GRIK1: variants seen among roughly 807,000 people sequenced by gnomAD.
The protein encoded by GRIK1 is glutamate receptor ionotropic, kainate 1.
Under a neutral mutation model 105.7 loss-of-function variants are expected in GRIK1, and 69 were observed. The ratio of observed to expected loss-of-function variants is 0.65; its 90% CI spans 0.54 to 0.80. The LOEUF (loss-of-function observed/expected upper bound fraction) is 0.80. Ranked by LOEUF, GRIK1 falls within the 30% of genes least tolerant of loss-of-function variation. The pLI, the probability that GRIK1 is intolerant of heterozygous loss-of-function variation, is 0.00. For missense variants in GRIK1, 1,109 were observed against 1,167.3 expected, an observed-to-expected ratio of 0.95 and a Z score of 0.73; for synonymous variants, 438 against 431.3, an observed-to-expected ratio of 1.02 and a Z score of -0.19.
chr21:29,643,518 T>A (rs1367016662), intron 6 of GRIK1, among the ~76,000 whole-genome samples: 1 of 152,164 alleles, frequency 6.6e-6, no homozygotes, highest in Non-Finnish European at 1.5e-5. Flanking sequence ...CAACGGCAAG[T>A]TTTGGGAGAC....
At chr21:29,740,097 T>C (rs577612556) in intron 1 of GRIK1, among the ~76,000 whole-genome samples, 30 of 152,344 alleles carry the variant, frequency 2.0e-4, no homozygotes, top group Non-Finnish European at 4.0e-4. Context: ...TTACATTGTT[T>C]ATTAGTACAC....
intron 9 of GRIK1, among the ~76,000 whole-genome samples, chr21:29,592,271 C>T (rs1048119159): frequency 2.6e-5 from 4 of 152,146 alleles, no homozygotes; most frequent in African/African-American, 4.8e-5. Flanking sequence ...TCCACTTGAT[C>T]GTGAACTCCT....
At chr21:29,824,233 A>G (rs2067383885) in intron 1 of GRIK1, among the ~76,000 whole-genome samples, 1 of 152,006 alleles carries the variant, frequency 6.6e-6, no homozygotes, top group Non-Finnish European at 1.5e-5. Flanking sequence ...ATCATTATTT[A>G]TTTATATACT....
intron 1 of GRIK1, among the ~76,000 whole-genome samples, chr21:29,789,547 T>C (rs2066354654): frequency 6.6e-6 from 1 of 152,212 alleles, no homozygotes; most frequent in South Asian, 2.1e-4. Flanking sequence ...TACTCCTTTC[T>C]GTAAAAGAAA....
intron 1 of GRIK1, among the ~76,000 whole-genome samples, chr21:29,814,277 T>G (rs1235912491): frequency 6.6e-6 from 1 of 151,934 alleles, no homozygotes; most frequent in Non-Finnish European, 1.5e-5. Flanking sequence ...TTTCCCCTTT[T>G]GCTTGCAGCA....
chr21:29,889,700 A>G (rs1012933063), intron 1 of GRIK1, among the ~76,000 whole-genome samples: 7 of 151,952 alleles, frequency 4.6e-5, no homozygotes, highest in Non-Finnish European at 8.8e-5. Flanking sequence ...ACCATCTCTA[A>G]TTTTCTGTGG....
At chr21:29,577,657 T>C (rs1038207596) in intron 13 of GRIK1, among the ~76,000 whole-genome samples, 13 of 152,250 alleles carry the variant, frequency 8.5e-5, no homozygotes, top group Non-Finnish European at 4.4e-5. Flanking sequence ...TATACTTTAA[T>C]AAAACATTGG....
intron 1 of GRIK1, among the ~76,000 whole-genome samples, chr21:29,768,226 C>A (rs1213849362): frequency 1.3e-5 from 2 of 152,088 alleles, no homozygotes; most frequent in African/African-American, 4.8e-5. Context: ...TCTGGGTATG[C>A]CTACAGCTTC....
chr21:29,686,546 A>T (rs1382959228), intron 3 of GRIK1, among the ~76,000 whole-genome samples: 1 of 152,262 alleles, frequency 6.6e-6, no homozygotes, highest in African/African-American at 2.4e-5. Flanking sequence ...AGGCTATAGC[A>T]GAGGTGAAAT....
chr21:29,927,137 C>T (rs1295723082), intron 1 of GRIK1, among the ~76,000 whole-genome samples: 1 of 152,100 alleles, frequency 6.6e-6, no homozygotes, highest in Non-Finnish European at 1.5e-5. Flanking sequence ...CAGACATTGC[C>T]TTGCCCAGTT....
chr21:29,688,601 A>G (rs1332235383), intron 3 of GRIK1, among the ~76,000 whole-genome samples: 1 of 152,218 alleles, frequency 6.6e-6, no homozygotes, highest in East Asian at 1.9e-4. Flanking sequence ...CAGGTTTACG[A>G]CAGGTAGCAG....
At chr21:29,547,666 C>T (rs78811614) in intron 16 of GRIK1, among the ~76,000 whole-genome samples, 3,682 of 152,340 alleles carry the variant, frequency 0.024, 136 homozygotes, top group African/African-American at 0.083. Flanking sequence ...ACAACATCAA[C>T]TTGTATATTA....
intron 1 of GRIK1, among the ~76,000 whole-genome samples, chr21:29,718,925 C>G (rs956931526): frequency 1.2e-4 from 18 of 152,064 alleles, no homozygotes; most frequent in Non-Finnish European, 2.4e-4. Flanking sequence ...TTAAAAGTTA[C>G]AATGTGCAAA....
chr21:29,667,661 G>A (rs2063086867), intron 4 of GRIK1, among the ~76,000 whole-genome samples: 1 of 152,114 alleles, frequency 6.6e-6, no homozygotes, highest in Admixed American at 6.6e-5. Flanking sequence ...TTTCTGAGTG[G>A]GAAACAGCAT....
In GRIK1 at chr21:29,883,380, G is replaced by A. The variant is rs138131885; in HGVS notation, c.118+56003C>T. 1.6e-3 allele frequency among the ~76,000 whole-genome samples: 240 copies of A among 152,098 alleles called. 1 individual carries two copies. The highest frequency in any genetic ancestry group is 5.6e-3 in the African/African-American group (233 of 41,502). ...CCTTTAGCAAGTAAAGAATTCTCAA[G>A]TATATAGATTTGCAATGGTTTTACT... On this transcript the variant is annotated intron_variant, in intron 1 of 17. Coordinates refer to ENST00000327783, the MANE Select transcript of GRIK1 (RefSeq NM_001330994.2).
At chr21:29,631,341 A>G (rs1023828363) in intron 7 of GRIK1, among the ~76,000 whole-genome samples, 11 of 152,322 alleles carry the variant, frequency 7.2e-5, no homozygotes, top group African/African-American at 2.2e-4. Flanking sequence ...CATGAGGTAG[A>G]GTCCCCATGG....
intron 1 of GRIK1, among the ~76,000 whole-genome samples, chr21:29,776,238 G>C (rs567811497): frequency 1.3e-5 from 2 of 152,202 alleles, no homozygotes; most frequent in East Asian, 1.9e-4. Context: ...ATTTTGAGTG[G>C]GGACACTGCC....
chr21:29,774,466 T>C lies in GRIK1; in HGVS notation c.119-80403A>G, dbSNP rs993945276. Among the ~76,000 whole-genome samples, 818 of 135,530 alleles carry C rather than the reference T, an allele frequency of 6.0e-3. 7 individuals carry two copies. Among genetic ancestry groups the C allele is most frequent in the African/African-American group, 0.021 (793 of 37,112 alleles). The allele number at this position is 135,530 out of a possible 152,430, so 88.9% of individuals were successfully genotyped here. On this transcript the variant is annotated intron_variant, in intron 1 of 17. Transcript: ENST00000327783. ...TTGCTCTTTTTTTTTTTTTTTTTTT[T>C]TCTGAGACGGAGTCTCACTCTGTCA...
At chr21:29,575,004 A>T (rs1163765521) in intron 14 of GRIK1, among the ~76,000 whole-genome samples, 1 of 152,072 alleles carries the variant, frequency 6.6e-6, no homozygotes, top group Non-Finnish European at 1.5e-5. Context: ...TAAATAAATG[A>T]TACACTTCTT....
Sources: gnomAD v4.1 joint callset for allele counts (sites outside exome capture counted in the v4.1 genomes callset) on GRCh38, gnomAD v4.1.1 for gene constraint, MANE v1.5 for transcripts, NCBI Gene and HGNC (gene_info 2026-07-23, HGNC 2026-07-21) for gene names.